ARHGAP5: variants seen among roughly 807,000 people sequenced by gnomAD.
ARHGAP5 encodes the protein Rho GTPase activating protein 5, also known as rho GTPase-activating protein 5.
Under a neutral mutation model 116.6 loss-of-function variants are expected in ARHGAP5, and 23 were observed. That is an observed-to-expected ratio of 0.20 (90% CI 0.14 to 0.28). The LOEUF is 0.28. Ranked by LOEUF, ARHGAP5 falls within the 10% of genes least tolerant of loss-of-function variation. ARHGAP5 has a pLI of 1.00. For missense variants in ARHGAP5, 1,405 were observed against 1,774.8 expected, an observed-to-expected ratio of 0.79 and a Z score of 3.74; for synonymous variants, 574 against 602.0, an observed-to-expected ratio of 0.95 and a Z score of 0.68.
intron 2 of ARHGAP5, among the ~76,000 whole-genome samples, chr14:32,113,608 A>G (rs1028364508): frequency 6.6e-6 from 1 of 152,248 alleles, no homozygotes; most frequent in Non-Finnish European, 1.5e-5. Context: ...CAGAGAATCT[A>G]TAATTTTGCT....
At chr14:32,114,443 T>TC (rs1879456764) in intron 2 of ARHGAP5, among the ~76,000 whole-genome samples, 1 of 152,172 alleles carries the variant, frequency 6.6e-6, no homozygotes, top group African/African-American at 2.4e-5. Context: ...CATTTCCACT[T>TC]CCTTGCACGT....
chr14:32,131,190 T>G (rs1471813942), intron 3 of ARHGAP5, among the ~76,000 whole-genome samples: 1 of 152,116 alleles, frequency 6.6e-6, no homozygotes. Flanking sequence ...CTCTTAGAGC[T>G]TTTTTGTTGT....
At chr14:32,105,478 T>C (rs577649296) in intron 2 of ARHGAP5, among the ~76,000 whole-genome samples, 8 of 149,910 alleles carry the variant, frequency 5.3e-5, no homozygotes, top group African/African-American at 2.0e-4. Flanking sequence ...TATGCTATTG[T>C]TTTTTTTTTT....
intron 3 of ARHGAP5, among the ~76,000 whole-genome samples, chr14:32,138,331 C>T (rs1234295441): frequency 6.6e-6 from 1 of 152,220 alleles, no homozygotes; most frequent in Non-Finnish European, 1.5e-5. Context: ...GTTGCCCAGG[C>T]TGGAGTGCAG....
At position 32,090,903 on chromosome 14, in the gene ARHGAP5, A is replaced by G. The variant is rs1289630433; in HGVS notation, c.234A>G (p.Ile78Met). The stretch of plus-strand genomic sequence containing the variant: ...ATCACTTTTTGTACTGGGGTGACAT[A>G]ATACAAAATAGTGAAGATGGAGTAG... ...NNDHFLYWGD[I>M]IQNSEDGVEC... Residue 78 changes from isoleucine (I) to methionine (M), a missense_variant, in exon 2 of 7, where the codon ATA becomes ATG. Ile to Met is a conservative substitution (Grantham distance 10, BLOSUM62 1). This residue lies in a region of ARHGAP5 where 190 missense variants were observed against 314.9 expected (regional missense o/e 0.60). Transcript: ENST00000345122. 6.2e-7 allele frequency: 1 copy of G among 1,613,640 alleles called. No individual in the cohort carries two copies.
intron 2 of ARHGAP5, 29 bp downstream of exon 2, chr14:32,094,415 TA>T (rs1253637175): frequency 4.7e-6 from 7 of 1,492,238 alleles, no homozygotes; most frequent in Non-Finnish European, 6.3e-6. Context: ...CAGTGATGTT[TA>T]TAAAAATGCT....
At chr14:32,152,577 T>C in intron 6 of ARHGAP5, 49 bp downstream of exon 6, 2 of 974,178 alleles carry the variant, frequency 2.1e-6, no homozygotes, top group Non-Finnish European at 3.1e-6. Context: ...GCACTACACA[T>C]TTCAAACATG....
At position 32,091,808 on chromosome 14, in the gene ARHGAP5, T is replaced by G. The variant is rs534615431; in HGVS notation, c.1139T>G (p.Val380Gly). 3 of 1,613,410 alleles carry G rather than the reference T, an allele frequency of 1.9e-6. No individual in the cohort carries two copies. Among genetic ancestry groups the G allele is most frequent in the Non-Finnish European group, 2.5e-6 (3 of 1,179,606 alleles). ...GCAGATTTCCAGTTATGTTTTGTGGTGCTAGAAAAAACTCCTTGGGATGAA... is the reference window on the plus strand; with the variant it reads ...GCAGATTTCCAGTTATGTTTTGTGGGGCTAGAAAAAACTCCTTGGGATGAA... ...KRADFQLCFV[V>G]LEKTPWDETD... is the part of the protein sequence containing the mutation. Residue 380 changes from valine (V) to glycine (G), a missense_variant, in exon 2 of 7, where the codon GTG becomes GGG. Around this residue, in one of 6 missense-constraint regions of ARHGAP5, gnomAD observed 944 missense variants for 1,095.3 expected, o/e 0.86. Transcript: ENST00000345122.
rs1162286680 is a variant in ARHGAP5 at position 32,093,548 on chromosome 14, A to G, written c.2879A>G (p.Gln960Arg). ...LSDNTRESTHQSEDVFLPSPR... is the reference protein window; with the variant it reads ...LSDNTRESTHRSEDVFLPSPR... ...GATAATACAAGGGAATCAACCCATC[A>G]AAGTGAAGATGTTTTTCTACCATCT... The change falls in exon 2 of 7, where the codon CAA becomes CGA. Residue 960 changes from glutamine to arginine, a missense_variant. Gln to Arg is a conservative substitution (Grantham distance 43, BLOSUM62 1). Around this residue, in one of 6 missense-constraint regions of ARHGAP5, gnomAD observed 944 missense variants for 1,095.3 expected, o/e 0.86. Transcript: ENST00000345122. 6.2e-7 allele frequency: 1 copy of G among 1,613,946 alleles called. No homozygotes were observed. Among genetic ancestry groups the G allele is most frequent in the South Asian group, 1.1e-5 (1 of 91,068 alleles).
At chr14:32,086,819 TATAG>T (rs1341873246) in intron 1 of ARHGAP5, among the ~76,000 whole-genome samples, 1 of 151,380 alleles carries the variant, frequency 6.6e-6, no homozygotes, top group Non-Finnish European at 1.5e-5. Context: ...TCTATAAGGA[TATAG>T]ATAATTTCTA....
At chr14:32,124,024 T>G (rs936981238) in intron 3 of ARHGAP5, among the ~76,000 whole-genome samples, 5 of 152,162 alleles carry the variant, frequency 3.3e-5, no homozygotes, top group African/African-American at 1.2e-4. Flanking sequence ...TCCGATACTC[T>G]TTCTCTGTGT....
intron 1 of ARHGAP5, among the ~76,000 whole-genome samples, chr14:32,086,370 T>C (rs551824438): frequency 1.3e-5 from 2 of 152,278 alleles, no homozygotes; most frequent in East Asian, 3.9e-4. Context: ...AGCTCTGATT[T>C]ATGTTTTAAA....
intron 2 of ARHGAP5, among the ~76,000 whole-genome samples, chr14:32,115,057 C>T (rs1014156098): frequency 2.6e-5 from 4 of 152,132 alleles, no homozygotes; most frequent in Non-Finnish European, 4.4e-5. Context: ...ATAAAAGTGG[C>T]CTAATATCCT....
chr14:32,127,967 G>A (rs1306626724), intron 3 of ARHGAP5, among the ~76,000 whole-genome samples: 8 of 150,956 alleles, frequency 5.3e-5, no homozygotes, highest in Admixed American at 1.3e-4. Context: ...CTTCCCAGAC[G>A]GGGTGGCGGC....
intron 2 of ARHGAP5, among the ~76,000 whole-genome samples, chr14:32,102,257 A>C (rs1049881466): frequency 1.3e-5 from 2 of 152,248 alleles, no homozygotes; most frequent in Admixed American, 6.5e-5. Context: ...AAGAATGAGA[A>C]AGGTTTTTTT....
intron 4 of ARHGAP5, among the ~76,000 whole-genome samples, chr14:32,147,221 A>G (rs1440499720): frequency 6.6e-6 from 1 of 152,230 alleles, no homozygotes; most frequent in Non-Finnish European, 1.5e-5. Flanking sequence ...GAGTAAAGAA[A>G]AGCCTAAACT....
intron 3 of ARHGAP5, 27 bp downstream of exon 3, chr14:32,117,314 A>G (rs900587275): frequency 1.9e-6 from 3 of 1,539,108 alleles, no homozygotes; most frequent in Non-Finnish European, 2.6e-6. Flanking sequence ...ATTGCAAGAG[A>G]TTTGATTTTA....
chr14:32,118,249 A>T lies in ARHGAP5; in HGVS notation c.3865+962A>T, dbSNP rs1426076858. On this transcript the variant is annotated intron_variant, in intron 3 of 6. Coordinates refer to ENST00000345122, the MANE Select transcript of ARHGAP5 (RefSeq NM_001030055.2). ...TGCAGTGGCTCATGCCTGTAATCCC[A>T]GCACTTTGGGAGGCTGAGGCAGTCG... Among the ~76,000 whole-genome samples, 3 of 152,224 alleles carry T rather than the reference A, an allele frequency of 2.0e-5. No individual in the cohort carries two copies. In the East Asian group the frequency reaches 5.8e-4, roughly 29 times the overall value.
At chr14:32,077,695 G>A (rs948000706) in intron 1 of ARHGAP5, among the ~76,000 whole-genome samples, 1 of 152,162 alleles carries the variant, frequency 6.6e-6, no homozygotes. Context: ...ACAGGTGACG[G>A]GGCCAGGGTC....
Sources: allele counts gnomAD v4.1 joint callset (sites outside exome capture counted in the v4.1 genomes callset), GRCh38; gene constraint gnomAD v4.1.1; regional missense constraint gnomAD v4.1.1; transcripts MANE v1.5; gene names NCBI Gene and HGNC (gene_info 2026-07-23, HGNC 2026-07-21).